Variants in PLA2G4A observed in about 807,000 individuals in gnomAD.
The protein encoded by PLA2G4A is cytosolic phospholipase A2.
In PLA2G4A, 40 loss-of-function variants were observed where a neutral mutation model predicts 81.9. The ratio of observed to expected loss-of-function variants is 0.49; its 90% CI spans 0.38 to 0.64. The LOEUF (loss-of-function observed/expected upper bound fraction) is 0.64, where lower values mean the gene tolerates loss of function less well. PLA2G4A is among the 30% of genes least tolerant of loss of function. The probability of loss-of-function intolerance (pLI) is 0.00; values close to 1 mark genes in which losing one functional copy is unlikely to be tolerated. For missense variants in PLA2G4A, 715 were observed against 905.1 expected (o/e 0.79, Z 2.69); for synonymous variants, 302 against 296.9 (o/e 1.02, Z -0.18).
At chr1:186,931,830 C>CT (rs1362694139) in intron 7 of PLA2G4A, among the ~76,000 whole-genome samples, 3 of 152,086 alleles carry the variant, frequency 2.0e-5, no homozygotes, top group Non-Finnish European at 4.4e-5. Flanking sequence ...CTTCCTTCAC[C>CT]TAAATTCATG....
intron 1 of PLA2G4A, among the ~76,000 whole-genome samples, chr1:186,851,529 A>G (rs1022444964): frequency 6.6e-6 from 1 of 152,036 alleles, no homozygotes; most frequent in East Asian, 1.9e-4. Flanking sequence ...TGTAGTTCTC[A>G]TACTTTGAAT....
intron 17 of PLA2G4A, among the ~76,000 whole-genome samples, chr1:186,981,015 T>C (rs1188807605): frequency 6.6e-6 from 1 of 152,136 alleles, no homozygotes. Flanking sequence ...ATTGAAAGGT[T>C]AAGAGAAAAA....
chr1:186,918,637 G>A (rs1211823968), intron 7 of PLA2G4A, among the ~76,000 whole-genome samples: 1 of 152,196 alleles, frequency 6.6e-6, no homozygotes, highest in Non-Finnish European at 1.5e-5. Flanking sequence ...TGATGCCCAT[G>A]GCTGGTCCCG....
chr1:186,884,447 A>T (rs919897173), intron 3 of PLA2G4A, among the ~76,000 whole-genome samples: 1 of 152,238 alleles, frequency 6.6e-6, no homozygotes, highest in African/African-American at 2.4e-5. Context: ...GAAGTATGCT[A>T]AAGTGACTAA....
At chr1:186,916,031 A>G (rs1655124470) in intron 7 of PLA2G4A, among the ~76,000 whole-genome samples, 2 of 152,168 alleles carry the variant, frequency 1.3e-5, no homozygotes, top group Admixed American at 6.5e-5. Flanking sequence ...CAGACATAAC[A>G]TGAAGTGACA....
chr1:186,941,246 C>A (rs1656144496), intron 10 of PLA2G4A, among the ~76,000 whole-genome samples: 1 of 152,006 alleles, frequency 6.6e-6, no homozygotes, highest in African/African-American at 2.4e-5. Context: ...ATCTCAGTGA[C>A]TTCAGACACC....
chr1:186,977,441 T>G, intron 15 of PLA2G4A, 152 bp from the exon 16 acceptor site: 1 of 622,950 alleles, frequency 1.6e-6, no homozygotes, highest in Non-Finnish European at 2.9e-6. Context: ...TTGAAATTAA[T>G]GAACTTCCTG....
At chr1:186,866,268 G>A (rs1202940798) in intron 2 of PLA2G4A, among the ~76,000 whole-genome samples, 3 of 152,102 alleles carry the variant, frequency 2.0e-5, no homozygotes, top group Admixed American at 1.3e-4. Flanking sequence ...ATCATCGATT[G>A]AAACTGAACA....
intron 7 of PLA2G4A, among the ~76,000 whole-genome samples, chr1:186,922,949 T>G (rs1408569091): frequency 6.6e-6 from 1 of 152,236 alleles, no homozygotes; most frequent in Non-Finnish European, 1.5e-5. Context: ...TGCTTTTCTA[T>G]ACAATGTCTG....
Position 186,876,294 on chromosome 1 carries a change from G to A in PLA2G4A, c.115+5778G>A, listed in dbSNP as rs145588648. ...AAATGTTCAGTTCTTTTTAAATCAC[G>A]CTGTGTTGCTTTTTATGTCTTTGAA... On this transcript the variant is annotated intron_variant, in intron 3 of 17. Transcript: ENST00000367466. Among the ~76,000 whole-genome samples the A allele has an allele frequency of 1.6e-4, 24 of 152,140 alleles. No individual in the cohort carries two copies. In the East Asian group the frequency reaches 2.7e-3, roughly 17 times the overall value.
At chr1:186,945,336 G>T (rs1043680914) in intron 10 of PLA2G4A, among the ~76,000 whole-genome samples, 2 of 152,170 alleles carry the variant, frequency 1.3e-5, no homozygotes, top group African/African-American at 2.4e-5. Flanking sequence ...CACACAGGGA[G>T]TGGGATCTAG....
chr1:186,893,262 G>T (rs1654210282), intron 4 of PLA2G4A, 103 bp downstream of exon 4: 2 of 971,280 alleles, frequency 2.1e-6, no homozygotes, highest in African/African-American at 1.6e-5. Flanking sequence ...AGCTATAGTT[G>T]GAGTTAGACT....
At chr1:186,837,360 G>A (rs1651813648) in intron 1 of PLA2G4A, among the ~76,000 whole-genome samples, 1 of 152,042 alleles carries the variant, frequency 6.6e-6, no homozygotes, top group South Asian at 2.1e-4. Context: ...CAACCAAATG[G>A]AGACATAGCA....
At chr1:186,890,158 C>T (rs1443965659) in intron 3 of PLA2G4A, among the ~76,000 whole-genome samples, 1 of 152,084 alleles carries the variant, frequency 6.6e-6, no homozygotes, top group Admixed American at 6.5e-5. Context: ...TTATAATGGC[C>T]GCATGGAAAA....
intron 13 of PLA2G4A, among the ~76,000 whole-genome samples, chr1:186,951,310 T>A (rs1656552705): frequency 6.6e-6 from 1 of 152,000 alleles, no homozygotes; most frequent in South Asian, 2.1e-4. Context: ...TGATAGTCAG[T>A]GATGGACTTG....
chr1:186,957,625 T>C (rs1002816002), intron 14 of PLA2G4A, among the ~76,000 whole-genome samples: 4 of 152,204 alleles, frequency 2.6e-5, no homozygotes, highest in Non-Finnish European at 5.9e-5. Flanking sequence ...CAGCCTGTAG[T>C]GTTCACTAGG....
chr1:186,910,067 G>A (rs1654887694), intron 6 of PLA2G4A, among the ~76,000 whole-genome samples: 1 of 151,896 alleles, frequency 6.6e-6, no homozygotes, highest in African/African-American at 2.4e-5. Context: ...AAATTCACTA[G>A]TGAAATTAAA....
intron 1 of PLA2G4A, among the ~76,000 whole-genome samples, chr1:186,848,744 CAT>C (rs1434780520): frequency 6.6e-6 from 1 of 151,678 alleles, no homozygotes; most frequent in East Asian, 1.9e-4. Context: ...CACACACACA[CAT>C]ACACACATAC....
chr1:186,865,107 A>G lies in PLA2G4A; in HGVS notation c.34-5328A>G, dbSNP rs866376275. On this transcript the variant is annotated intron_variant, in intron 2 of 17. Transcript: ENST00000367466. The stretch of plus-strand genomic sequence containing the variant: ...AAATATATACATATATATATATATA[A>G]AATATAATATATTGCCAAACTTAAT... Among the ~76,000 whole-genome samples, 5 of 144,774 alleles carry G rather than the reference A, an allele frequency of 3.5e-5. No homozygotes were observed. The South Asian group carries it at 8.6e-4, about 25-fold the overall frequency. 95.0% of individuals were successfully genotyped at this position (144,774 alleles called of 152,430 possible). A position where few individuals can be genotyped will look rare whatever the true frequency, so the allele number is the denominator to read the frequency against.
Sources: allele counts gnomAD v4.1 joint callset (sites outside exome capture counted in the v4.1 genomes callset), GRCh38; gene constraint gnomAD v4.1.1; transcripts MANE v1.5; gene names NCBI Gene and HGNC (gene_info 2026-07-23, HGNC 2026-07-21).